Variants in PPP1R37 observed in about 807,000 individuals in gnomAD.
PPP1R37 encodes leucine rich repeat containing 68.
In PPP1R37, 21 loss-of-function variants were observed where a neutral mutation model predicts 61.0. That is an observed-to-expected ratio of 0.34 (90% CI 0.24 to 0.50). The LOEUF is 0.50. Ranked by LOEUF, PPP1R37 falls within the 20% of genes least tolerant of loss-of-function variation. PPP1R37 has a pLI of 0.98. For synonymous variants in PPP1R37, 443 were observed against 433.5 expected (o/e 1.02, Z -0.27); for missense variants, 910 against 952.7 (o/e 0.96, Z 0.59).
intron 1 of PPP1R37, among the ~76,000 whole-genome samples, chr19:45,103,178 T>C (rs1968085338): frequency 6.6e-6 from 1 of 152,154 alleles, no homozygotes; most frequent in South Asian, 2.1e-4. Flanking sequence ...AGGTACACAG[T>C]AGGCACTCAG....
intron 8 of PPP1R37, 197 bp from the exon 9 acceptor site, chr19:45,144,657 T>C (rs966659078): frequency 9.2e-6 from 5 of 543,478 alleles, no homozygotes; most frequent in South Asian, 7.6e-5. Context: ...GACCTGGCAT[T>C]TGGGGAGACT....
At chr19:45,095,794 G>A (rs1276420729) in intron 1 of PPP1R37, among the ~76,000 whole-genome samples, 2 of 151,528 alleles carry the variant, frequency 1.3e-5, no homozygotes, top group Non-Finnish European at 2.9e-5. Context: ...TTGGCACTAG[G>A]AGCCAGCCAA....
Position 45,142,189 on chromosome 19 carries a change from G to C in PPP1R37, c.696G>C (p.Ser232=). ...TGCACTTGGAGAACGCCAGCCTGTC[G>C]GGGCGGCCCCTCATGCTGCTCGGTG... ...AVLHLENASL[S]GRPLMLLATA... The change falls in exon 6 of 13, where the codon TCG becomes TCC. Residue 232 remains serine (S), a synonymous_variant. Transcript: ENST00000221462. 1 of 1,534,936 alleles carries C rather than the reference G, an allele frequency of 6.5e-7. No individual in the cohort carries two copies. Among genetic ancestry groups the C allele is most frequent in the Non-Finnish European group, 8.7e-7 (1 of 1,146,284 alleles).
intron 1 of PPP1R37, chr19:45,128,569 T>C: frequency 7.9e-7 from 1 of 1,263,692 alleles, no homozygotes. Context: ...CCTCTTAAAA[T>C]GGCAGATGAT....
chr19:45,142,149 G>A lies in PPP1R37; in HGVS notation c.656G>A (p.Ser219Asn). The A allele has an allele frequency of 6.5e-7, 1 of 1,535,264 alleles. No homozygotes were observed. The highest frequency in any genetic ancestry group is 8.7e-7 in the Non-Finnish European group (1 of 1,146,512). The change falls in exon 6 of 13, where the codon AGC becomes AAC. Residue 219 changes from serine (S) to asparagine (N), a missense_variant. Around this residue, in one of 3 missense-constraint regions of PPP1R37, gnomAD observed 280 missense variants for 382.2 expected, o/e 0.73. Transcript: ENST00000221462. ...PFVARALRIR[S>N]SLAVLHLENA... ...GTGGCCCGTGCCCTGCGCATCCGCA[G>A]CAGCCTGGCAGTGCTGCACTTGGAG...
At position 45,097,313 on chromosome 19, in the gene PPP1R37, GC is replaced by G. The variant is rs370353875; in HGVS notation, c.202+3787del. On this transcript the variant is annotated intron_variant, in intron 1 of 12. Transcript: ENST00000221462. ...CCCAAGGCCAAGGGGTAACAGAAGA[GC>G]TGACAGGTCTGAAGGGGGGAGACTC... Among the ~76,000 whole-genome samples the G allele has an allele frequency of 2.1e-3, 326 of 152,122 alleles. 2 individuals carry two copies. Among genetic ancestry groups the G allele is most frequent in the African/African-American group, 7.5e-3 (310 of 41,496 alleles).
At chr19:45,126,895 C>G (rs968209850) in intron 1 of PPP1R37, among the ~76,000 whole-genome samples, 2 of 152,232 alleles carry the variant, frequency 1.3e-5, no homozygotes, top group Non-Finnish European at 2.9e-5. Context: ...AGGAGCACGG[C>G]CTGTGGCCAG....
At chr19:45,146,335 A>T in intron 11 of PPP1R37, 55 bp from the exon 12 acceptor site, 2 of 1,475,806 alleles carry the variant, frequency 1.4e-6, no homozygotes, top group East Asian at 4.9e-5. Flanking sequence ...GGCTGGGGAC[A>T]GGTTGTATTT....
chr19:45,102,687 A>G (rs970211532), intron 1 of PPP1R37, among the ~76,000 whole-genome samples: 8 of 151,984 alleles, frequency 5.3e-5, no homozygotes, highest in African/African-American at 1.9e-4. Context: ...AAGTCCCTTG[A>G]CCTCCCTGGA....
At position 45,093,260 on chromosome 19, in the gene PPP1R37, C is replaced by T. The variant is rs1967944551; in HGVS notation, c.-66C>T. 5.5e-6 allele frequency: 7 copies of T among 1,264,618 alleles called. No homozygotes were observed. The East Asian group carries it at 1.6e-4, about 28-fold the overall frequency. 78.3% of individuals were successfully genotyped at this position (1,264,618 alleles called of 1,614,324 possible). A position where few individuals can be genotyped will look rare whatever the true frequency, so the allele number is the denominator to read the frequency against. ...CCCATGCCCCGGGACGGCGGGCGGACCCGGAGAGACAAATCCGGGGCCCGG... is the reference window on the plus strand; with the variant it reads ...CCCATGCCCCGGGACGGCGGGCGGATCCGGAGAGACAAATCCGGGGCCCGG... On this transcript the variant is annotated 5_prime_UTR_variant, in exon 1 of 13. Transcript: ENST00000221462.
At chr19:45,107,815 G>A (rs1267106423) in intron 1 of PPP1R37, among the ~76,000 whole-genome samples, 1 of 152,186 alleles carries the variant, frequency 6.6e-6, no homozygotes, top group Non-Finnish European at 1.5e-5. Context: ...TGAGGATACT[G>A]TAGATACAGT....
intron 1 of PPP1R37, among the ~76,000 whole-genome samples, chr19:45,111,877 A>G (rs1187643186): frequency 6.6e-6 from 1 of 152,166 alleles, no homozygotes; most frequent in Non-Finnish European, 1.5e-5. Flanking sequence ...CCATGTCTGC[A>G]TGCTGAAAAG....
At chr19:45,113,330 G>A (rs768777499) in intron 1 of PPP1R37, among the ~76,000 whole-genome samples, 5 of 152,246 alleles carry the variant, frequency 3.3e-5, no homozygotes, top group Non-Finnish European at 7.3e-5. Flanking sequence ...AATCATAATA[G>A]CTAGCGTTGG....
At position 45,145,284 on chromosome 19, in the gene PPP1R37, C is replaced by T. The variant is rs893874767; in HGVS notation, c.1296+24C>T. 7 of 1,524,688 alleles carry T rather than the reference C, an allele frequency of 4.6e-6. No homozygotes were observed. In the East Asian group the frequency reaches 9.8e-5, roughly 21 times the overall value. The allele number at this position is 1,524,688 out of a possible 1,614,324, so 94.4% of individuals were successfully genotyped here. The stretch of plus-strand genomic sequence containing the variant: ...CGGTGAGCAGGGGACGGTCCTGCAG[C>T]CCTGGGGCGGGCGGAAGGCCGGGTG... On this transcript the variant is annotated intron_variant, in intron 10 of 12. Coordinates refer to ENST00000221462, the MANE Select transcript of PPP1R37 (RefSeq NM_019121.2).
intron 11 of PPP1R37, 159 bp downstream of exon 11, chr19:45,146,208 C>T: frequency 1.0e-6 from 1 of 972,998 alleles, no homozygotes; most frequent in East Asian, 2.6e-5. Context: ...CCCTGCTTCC[C>T]TTGGGTCCTG....
intron 1 of PPP1R37, among the ~76,000 whole-genome samples, chr19:45,105,039 G>C (rs1378354199): frequency 3.3e-5 from 5 of 152,222 alleles, no homozygotes; most frequent in African/African-American, 9.6e-5. Flanking sequence ...GCAGTGGTGG[G>C]TTGGGTTTGG....
rs1968704175 is a variant in PPP1R37 at position 45,146,554 on chromosome 19, A to G, written c.*9-17A>G. The G allele has an allele frequency of 3.7e-6, 4 of 1,094,404 alleles. No homozygotes were observed. 67.8% of individuals were successfully genotyped at this position (1,094,404 alleles called of 1,614,324 possible). A position where few individuals can be genotyped will look rare whatever the true frequency, so the allele number is the denominator to read the frequency against. On this transcript the variant is annotated splice_polypyrimidine_tract_variant and intron_variant, in intron 12 of 12. Transcript: ENST00000221462. ...CTCTGGCTCTGACAGTCTCTCCCCCAATCTCTCCTCCCCAAGTTCCCTTTT... is the reference window on the plus strand; with the variant it reads ...CTCTGGCTCTGACAGTCTCTCCCCCGATCTCTCCTCCCCAAGTTCCCTTTT...
At position 45,138,561 on chromosome 19, in the gene PPP1R37, T is replaced by A. The variant is rs992745042; in HGVS notation, c.250T>A (p.Cys84Ser). The stretch of plus-strand genomic sequence containing the variant: ...GGTCATCGGCGCCTACAAGCAGGCC[T>A]GCCAGAAGCTGAACTGCAGGCAGAT... ...DEVIGAYKQA[C>S]QKLNCRQIPK... is the part of the protein sequence containing the mutation. The change falls in exon 2 of 13, where the codon TGC becomes AGC. Residue 84 changes from cysteine (C) to serine (S), a missense_variant. Around this residue, in one of 3 missense-constraint regions of PPP1R37, gnomAD observed 280 missense variants for 382.2 expected, o/e 0.73. Transcript: ENST00000221462. 7.8e-5 allele frequency: 118 copies of A among 1,511,050 alleles called. No individual in the cohort carries two copies. The highest frequency in any genetic ancestry group is 1.0e-4 in the Non-Finnish European group (117 of 1,132,958). 93.6% of individuals were successfully genotyped at this position (1,511,050 alleles called of 1,614,324 possible).
chr19:45,139,981 G>C (rs1238231940), intron 2 of PPP1R37, among the ~76,000 whole-genome samples: 1 of 152,270 alleles, frequency 6.6e-6, no homozygotes, highest in East Asian at 1.9e-4. Flanking sequence ...TCCCGCTGGG[G>C]CAGAGGGCTT....
Sources: gnomAD v4.1 joint callset for allele counts (sites outside exome capture counted in the v4.1 genomes callset) on GRCh38, gnomAD v4.1.1 for gene constraint, gnomAD v4.1.1 regional missense constraint, MANE v1.5 for transcripts, NCBI Gene and HGNC (gene_info 2026-07-23, HGNC 2026-07-21) for gene names.